Variants in ZNF526 observed in about 807,000 individuals in gnomAD.
ZNF526 encodes zinc finger protein 526.
In ZNF526, 16 loss-of-function variants were observed where a neutral mutation model predicts 32.4. The observed-to-expected ratio is 0.49, with a 90% CI of 0.33 to 0.75. The LOEUF is 0.75. ZNF526 is among the 30% of genes least tolerant of loss of function. The pLI is 0.02. For synonymous variants in ZNF526, 355 were observed against 363.4 expected (o/e 0.98, Z 0.26); for missense variants, 838 against 920.7 (o/e 0.91, Z 1.16).
chr19:42,225,138 TGAA>T lies in ZNF526; in HGVS notation c.738_740del (p.Glu247del). 1 of 1,613,692 alleles carries T rather than the reference TGAA, an allele frequency of 6.2e-7. No homozygotes were observed. The highest frequency in any genetic ancestry group is 8.5e-7 in the Non-Finnish European group (1 of 1,179,992). ...ACGATGAGGAGGATGAAGAAGATGA[TGAA>T]GAGATGGAGGATGAGGAGGCCATGG... On this transcript the variant is annotated inframe_deletion, in exon 3 of 3. Coordinates refer to ENST00000301215, the MANE Select transcript of ZNF526 (RefSeq NM_133444.3).
At chr19:42,222,394 A>C (rs575279156) in intron 1 of ZNF526, among the ~76,000 whole-genome samples, 1 of 152,218 alleles carries the variant, frequency 6.6e-6, no homozygotes, top group East Asian at 1.9e-4. Context: ...CAATATGAGC[A>C]ACTTCTATAT....
At position 42,226,736 on chromosome 19, in the gene ZNF526, A is replaced by G. The variant is rs1190582941; in HGVS notation, c.*320A>G. On this transcript the variant is annotated 3_prime_UTR_variant, in exon 3 of 3. Transcript: ENST00000301215. ...CAGCAACATCAGGTAACCTTCACTG[A>G]GCACCAAGCTTATGCCAGGTCTGTG... 2.1e-6 allele frequency: 1 copy of G among 469,484 alleles called. No individual in the cohort carries two copies. Among genetic ancestry groups the G allele is most frequent in the Non-Finnish European group, 4.1e-6 (1 of 244,610 alleles). The allele number at this position is 469,484 out of a possible 1,614,324, so 29.1% of individuals were successfully genotyped here.
At chr19:42,220,688 G>T (rs1315525891) in intron 1 of ZNF526, 2 of 152,146 alleles carry the variant, frequency 1.3e-5, no homozygotes, top group Admixed American at 6.5e-5. Context: ...GGCCCTAGTG[G>T]GTTCCTTCCT....
At chr19:42,222,583 A>G (rs2146927487) in intron 1 of ZNF526, among the ~76,000 whole-genome samples, 1 of 152,310 alleles carries the variant, frequency 6.6e-6, no homozygotes, top group South Asian at 2.1e-4. Flanking sequence ...GGTTGAGCCC[A>G]CATACGTAGA....
intron 1 of ZNF526, among the ~76,000 whole-genome samples, chr19:42,223,274 C>T (rs1380839679): frequency 6.6e-6 from 1 of 152,032 alleles, no homozygotes. Context: ...TTTGGGAGGC[C>T]GAGGCAGGCG....
rs771469366 is a variant in ZNF526 at position 42,225,591 on chromosome 19, C to T, written c.1188C>T (p.Phe396=). The part of the protein sequence containing the change: ...PLHRCRCGKT[F]SNMTKFLYHR... ...ATCGCTGTCGTTGCGGCAAGACGTT[C>T]AGCAACATGACCAAGTTCCTCTACC... The change falls in exon 3 of 3, where the codon TTC becomes TTT. Residue 396 remains phenylalanine (F), a synonymous_variant. Transcript: ENST00000301215. 1.2e-6 allele frequency: 2 copies of T among 1,608,694 alleles called. No homozygotes were observed. Among genetic ancestry groups the T allele is most frequent in the Non-Finnish European group, 8.5e-7 (1 of 1,175,926 alleles).
chr19:42,225,830 T>C lies in ZNF526; in HGVS notation c.1427T>C (p.Val476Ala), dbSNP rs1373155657. Residue 476 changes from valine (V) to alanine (A), a missense_variant, in exon 3 of 3, where the codon GTT (valine) becomes GCT (alanine). Coordinates refer to ENST00000301215, the MANE Select transcript of ZNF526 (RefSeq NM_133444.3). ...GPPERRHRCG[V>A]CGKGFKKLIH... ...CCTGAACGGCGTCACCGCTGTGGGGTTTGTGGCAAGGGCTTCAAGAAGCTG... is the reference window on the plus strand; with the variant it reads ...CCTGAACGGCGTCACCGCTGTGGGGCTTGTGGCAAGGGCTTCAAGAAGCTG... The C allele has an allele frequency of 1.9e-6, 3 of 1,613,942 alleles. No individual in the cohort carries two copies. In the Admixed American group the frequency reaches 5.0e-5, roughly 27 times the overall value.
At position 42,227,925 on chromosome 19, in the gene ZNF526, C is replaced by T. The variant is rs2036195429; in HGVS notation, c.*1509C>T. 6.6e-6 allele frequency: 1 copy of T among 151,346 alleles called. No homozygotes were observed. The highest frequency in any genetic ancestry group is 1.5e-5 in the Non-Finnish European group (1 of 67,816). 9.4% of individuals were successfully genotyped at this position (151,346 alleles called of 1,614,324 possible). ...TACAAAACTTAAAAGTTAGCCAGGC[C>T]TGGTGGCACATGCCTGTAATCCGAG... On this transcript the variant is annotated 3_prime_UTR_variant, in exon 3 of 3. Transcript: ENST00000301215.
Position 42,226,942 on chromosome 19 carries a change from C to T in ZNF526, c.*526C>T, listed in dbSNP as rs1410391937. The stretch of plus-strand genomic sequence containing the variant: ...TCTGTAGGTACCCAGGTCCTCAGCT[C>T]CAGACTGGGTGATGCTGGAGACCCA... On this transcript the variant is annotated 3_prime_UTR_variant, in exon 3 of 3. Coordinates refer to ENST00000301215, the MANE Select transcript of ZNF526 (RefSeq NM_133444.3). The T allele has an allele frequency of 4.3e-6, 1 of 230,048 alleles. No individual in the cohort carries two copies. The highest frequency in any genetic ancestry group is 9.4e-6 in the Non-Finnish European group (1 of 105,838). The allele number at this position is 230,048 out of a possible 1,614,324, so 14.3% of individuals were successfully genotyped here.
At position 42,226,519 on chromosome 19, in the gene ZNF526, T is replaced by A; in HGVS notation, c.*103T>A. ...TGACAAACTGGTCTGGTACCCACCATGTGCCAGGATCCACCCTGGCCTCTT... is the reference window on the plus strand; with the variant it reads ...TGACAAACTGGTCTGGTACCCACCAAGTGCCAGGATCCACCCTGGCCTCTT... On this transcript the variant is annotated 3_prime_UTR_variant, in exon 3 of 3. Transcript: ENST00000301215. The A allele has an allele frequency of 6.5e-7, 1 of 1,529,476 alleles. No individual in the cohort carries two copies. The highest frequency in any genetic ancestry group is 2.3e-5 in the East Asian group (1 of 44,126). 94.7% of individuals were successfully genotyped at this position (1,529,476 alleles called of 1,614,324 possible).
chr19:42,227,576 G>T lies in ZNF526; in HGVS notation c.*1160G>T, dbSNP rs1156670290. 1 of 159,024 alleles carries T rather than the reference G, an allele frequency of 6.3e-6. No individual in the cohort carries two copies. Among genetic ancestry groups the T allele is most frequent in the African/African-American group, 2.4e-5 (1 of 41,440 alleles). The allele number at this position is 159,024 out of a possible 1,614,324, so 9.9% of individuals were successfully genotyped here. On this transcript the variant is annotated 3_prime_UTR_variant, in exon 3 of 3. Coordinates refer to ENST00000301215, the MANE Select transcript of ZNF526 (RefSeq NM_133444.3). The stretch of plus-strand genomic sequence containing the variant: ...GATCGAGACCATCCTGGCTAACACG[G>T]TGAAACCCCGTCTCTACTAAAAATA...
intron 1 of ZNF526, among the ~76,000 whole-genome samples, chr19:42,222,247 C>G (rs981205423): frequency 6.6e-6 from 1 of 151,996 alleles, no homozygotes; most frequent in Non-Finnish European, 1.5e-5. Context: ...CCACCACGCC[C>G]AGCTAATTTT....
Position 42,226,295 on chromosome 19 carries a change from C to T in ZNF526, c.1892C>T (p.Thr631Ile). Residue 631 changes from threonine (T) to isoleucine (I), a missense_variant, in exon 3 of 3, where the codon ACC (threonine) becomes ATC (isoleucine). Thr to Ile is a moderately conservative substitution (Grantham distance 89). Transcript: ENST00000301215. ...QTIMCTELGE[T>I]IAIIETSQPL... ...ATCATGTGCACAGAGCTGGGGGAGA[C>T]CATCGCCATCATTGAGACATCCCAG... 6.2e-7 allele frequency: 1 copy of T among 1,614,142 alleles called. No homozygotes were observed. Among genetic ancestry groups the T allele is most frequent in the Non-Finnish European group, 8.5e-7 (1 of 1,180,036 alleles).
Position 42,228,011 on chromosome 19 carries a change from A to T in ZNF526, c.*1595A>T, listed in dbSNP as rs1423320416. 3 of 152,082 alleles carry T rather than the reference A, an allele frequency of 2.0e-5. No individual in the cohort carries two copies. The highest frequency in any genetic ancestry group is 4.4e-5 in the Non-Finnish European group (3 of 68,022). The allele number at this position is 152,082 out of a possible 1,614,324, so 9.4% of individuals were successfully genotyped here. A position where few individuals can be genotyped will look rare whatever the true frequency, so the allele number is the denominator to read the frequency against. On this transcript the variant is annotated 3_prime_UTR_variant, in exon 3 of 3. Coordinates refer to ENST00000301215, the MANE Select transcript of ZNF526 (RefSeq NM_133444.3). The stretch of plus-strand genomic sequence containing the variant: ...CTCAAGAATTCAAGACCTGGGCAAG[A>T]GAGAGAGACTTTGTCTCTATTAAAA...
At position 42,225,518 on chromosome 19, in the gene ZNF526, A is replaced by G; in HGVS notation, c.1115A>G (p.Glu372Gly). The G allele has an allele frequency of 6.2e-7, 1 of 1,613,096 alleles. No homozygotes were observed. The highest frequency in any genetic ancestry group is 8.5e-7 in the Non-Finnish European group (1 of 1,179,158). ...GACTGTGGCCGCGGCTTTGGCACAGAACTCACGTTGGTGGCTCACCGGCGG... is the reference window on the plus strand; with the variant it reads ...GACTGTGGCCGCGGCTTTGGCACAGGACTCACGTTGGTGGCTCACCGGCGG... ...CVDCGRGFGT[E>G]LTLVAHRRAH... The change falls in exon 3 of 3, where the codon GAA becomes GGA. Residue 372 changes from glutamate (E) to glycine (G), a missense_variant. Coordinates refer to ENST00000301215, the MANE Select transcript of ZNF526 (RefSeq NM_133444.3).
rs2036113091 is a variant in ZNF526, at chr19:42,220,683, T to TA, written c.-109+297dup. ...CGGGAAAGTTGAATTTCCAGGGCCCTAGTGGGTTCCTTCCTGGAAAGACTT... is the reference window on the plus strand; with the variant it reads ...CGGGAAAGTTGAATTTCCAGGGCCCTAAGTGGGTTCCTTCCTGGAAAGACTT... On this transcript the variant is annotated intron_variant, in intron 1 of 2. Transcript: ENST00000301215. The TA allele has an allele frequency of 2.6e-5, 4 of 152,144 alleles. 1 individual carries two copies. In the South Asian group the frequency reaches 8.3e-4, roughly 31 times the overall value. The allele number at this position is 152,144 out of a possible 1,614,324, so 9.4% of individuals were successfully genotyped here.
Position 42,224,944 on chromosome 19 carries a change from A to T in ZNF526, c.541A>T (p.Thr181Ser). 6.2e-7 allele frequency: 1 copy of T among 1,614,018 alleles called. No homozygotes were observed. The change falls in exon 3 of 3, where the codon ACA (threonine) becomes TCA (serine). Residue 181 changes from threonine to serine, a missense_variant. Transcript: ENST00000301215. ...AGTGCCACCTCCTTTGCCTCCCCCA[A>T]CACCACTGCCTCCACCTTCTCCCCC... The part of the protein sequence containing the change: ...PPVPPPLPPP[T>S]PLPPPSPPSE...
chr19:42,226,523 C>T lies in ZNF526; in HGVS notation c.*107C>T. ...AAACTGGTCTGGTACCCACCATGTGCCAGGATCCACCCTGGCCTCTTTTTA... is the reference window on the plus strand; with the variant it reads ...AAACTGGTCTGGTACCCACCATGTGTCAGGATCCACCCTGGCCTCTTTTTA... On this transcript the variant is annotated 3_prime_UTR_variant, in exon 3 of 3. Transcript: ENST00000301215. 1 of 1,491,530 alleles carries T rather than the reference C, an allele frequency of 6.7e-7. No individual in the cohort carries two copies. Among genetic ancestry groups the T allele is most frequent in the South Asian group, 1.1e-5 (1 of 87,160 alleles). The allele number at this position is 1,491,530 out of a possible 1,614,324, so 92.4% of individuals were successfully genotyped here.
chr19:42,227,951 T>TG lies in ZNF526; in HGVS notation c.*1536dup, dbSNP rs1414804644. 1 of 151,204 alleles carries TG rather than the reference T, an allele frequency of 6.6e-6. No homozygotes were observed. Among genetic ancestry groups the TG allele is most frequent in the Non-Finnish European group, 1.5e-5 (1 of 67,804 alleles). 9.4% of individuals were successfully genotyped at this position (151,204 alleles called of 1,614,324 possible). Reference sequence around the variant, plus strand: ...TGGTGGCACATGCCTGTAATCCGAGTGCTTTGGGAGGCTGAGGCAGGAGGA... The same window carrying TG: ...TGGTGGCACATGCCTGTAATCCGAGTGGCTTTGGGAGGCTGAGGCAGGAGGA... On this transcript the variant is annotated 3_prime_UTR_variant, in exon 3 of 3. Transcript: ENST00000301215.
Sources: allele counts gnomAD v4.1 joint callset (sites outside exome capture counted in the v4.1 genomes callset), GRCh38; gene constraint gnomAD v4.1.1; transcripts MANE v1.5; gene names NCBI Gene and HGNC (gene_info 2026-07-23, HGNC 2026-07-21).